CSMD1: variants seen among roughly 807,000 people sequenced by gnomAD.
CSMD1 encodes the protein CUB and sushi domain-containing protein 1.
Under a neutral mutation model 417.5 loss-of-function variants are expected in CSMD1, and 213 were observed. That is an observed-to-expected ratio of 0.51 (90% CI 0.46 to 0.57). The LOEUF (loss-of-function observed/expected upper bound fraction) is 0.57, where lower values mean the gene tolerates loss of function less well. Ranked by LOEUF, CSMD1 falls within the 20% of genes least tolerant of loss-of-function variation. The pLI is 0.00. For missense variants in CSMD1, 6,923 were observed against 4,529.7 expected (o/e 1.53, Z -15.17); for synonymous variants, 2,862 against 1,736.8 (o/e 1.65, Z -16.11).
chr8:3,009,269 A>G (rs1449103452), intron 52 of CSMD1, among the ~76,000 whole-genome samples: 1 of 152,252 alleles, frequency 6.6e-6, no homozygotes, highest in Non-Finnish European at 1.5e-5. Context: ...TCCGGGGATT[A>G]GAACGGAATC....
At chr8:3,925,906 G>A (rs1419544738) in intron 5 of CSMD1, among the ~76,000 whole-genome samples, 2 of 151,678 alleles carry the variant, frequency 1.3e-5, no homozygotes, top group Non-Finnish European at 2.9e-5. Context: ...TATACTATCT[G>A]CATAACAAAA....
intron 4 of CSMD1, among the ~76,000 whole-genome samples, chr8:4,000,663 T>C (rs1279941343): frequency 6.6e-6 from 1 of 152,204 alleles, no homozygotes; most frequent in Non-Finnish European, 1.5e-5. Context: ...ACTTTTATTA[T>C]TGATTAAATA....
chr8:4,256,483 G>A (rs571908640), intron 3 of CSMD1, among the ~76,000 whole-genome samples: 1 of 152,204 alleles, frequency 6.6e-6, no homozygotes, highest in African/African-American at 2.4e-5. Context: ...TACTGGTAAA[G>A]GGAGGTTCTC....
At chr8:4,882,688 C>G (rs1803489544) in intron 1 of CSMD1, among the ~76,000 whole-genome samples, 1 of 151,918 alleles carries the variant, frequency 6.6e-6, no homozygotes, top group East Asian at 1.9e-4. Flanking sequence ...ATTTGATGTG[C>G]CGTTTATTTC....
chr8:3,483,569 A>T (rs1563081274), intron 11 of CSMD1, among the ~76,000 whole-genome samples: 1 of 152,122 alleles, frequency 6.6e-6, no homozygotes, highest in Non-Finnish European at 1.5e-5. Context: ...TAACGTCAAG[A>T]TTTCATAAAC....
intron 7 of CSMD1, among the ~76,000 whole-genome samples, chr8:3,620,815 C>A (rs1350532358): frequency 1.3e-5 from 2 of 152,180 alleles, no homozygotes; most frequent in African/African-American, 2.4e-5. Flanking sequence ...CAGAGCTACC[C>A]TTTAAATAAT....
intron 3 of CSMD1, among the ~76,000 whole-genome samples, chr8:4,158,507 A>G (rs917279231): frequency 2.0e-5 from 3 of 152,174 alleles, no homozygotes; most frequent in Non-Finnish European, 4.4e-5. Flanking sequence ...GGATATTGGA[A>G]AAACTCCCAA....
chr8:3,525,075 C>T (rs1234533001), intron 10 of CSMD1, among the ~76,000 whole-genome samples: 1 of 152,162 alleles, frequency 6.6e-6, no homozygotes, highest in East Asian at 1.9e-4. Context: ...GAAAAGCCAA[C>T]TAAAGTGAAT....
chr8:4,499,549 C>T (rs1197125575), intron 2 of CSMD1, among the ~76,000 whole-genome samples: 2 of 152,100 alleles, frequency 1.3e-5, no homozygotes, highest in East Asian at 1.9e-4. Flanking sequence ...GGTGGATAAG[C>T]GATAACATAT....
At chr8:4,717,684 C>G (rs1326312630) in intron 1 of CSMD1, among the ~76,000 whole-genome samples, 2 of 151,860 alleles carry the variant, frequency 1.3e-5, no homozygotes, top group Non-Finnish European at 2.9e-5. Context: ...AACTGTGATT[C>G]CGAAGAGGCT....
At chr8:4,948,206 T>C (rs1206492198) in intron 1 of CSMD1, among the ~76,000 whole-genome samples, 1 of 152,110 alleles carries the variant, frequency 6.6e-6, no homozygotes, top group Non-Finnish European at 1.5e-5. Flanking sequence ...GGTCATAATA[T>C]ATACGAGTTT....
chr8:3,124,184 G>A (rs1431808064), intron 41 of CSMD1, among the ~76,000 whole-genome samples: 1 of 151,682 alleles, frequency 6.6e-6, no homozygotes, highest in Non-Finnish European at 1.5e-5. Flanking sequence ...GCAGTACAGT[G>A]GTTTTCATTA....
At chr8:4,582,885 C>T (rs911175952) in intron 2 of CSMD1, among the ~76,000 whole-genome samples, 7 of 152,222 alleles carry the variant, frequency 4.6e-5, no homozygotes, top group Non-Finnish European at 1.0e-4. Context: ...AGCTGGAGTT[C>T]CGGGTGGGCG....
intron 3 of CSMD1, among the ~76,000 whole-genome samples, chr8:4,060,973 G>A (rs930796040): frequency 2.6e-5 from 4 of 152,154 alleles, no homozygotes; most frequent in Admixed American, 1.3e-4. Flanking sequence ...AAAGAGATAA[G>A]ACAAGCTGCT....
chr8:4,758,514 C>T (rs1276129860), intron 1 of CSMD1, among the ~76,000 whole-genome samples: 2 of 152,104 alleles, frequency 1.3e-5, no homozygotes, highest in Non-Finnish European at 2.9e-5. Context: ...TCAGTAGGGC[C>T]TTCTAGAAGG....
chr8:3,165,012 T>G (rs1395430217), intron 37 of CSMD1, among the ~76,000 whole-genome samples: 1 of 151,760 alleles, frequency 6.6e-6, no homozygotes, highest in Non-Finnish European at 1.5e-5. Flanking sequence ...AATTAATTTA[T>G]AATTAATTAT....
At chr8:3,116,556 A>C (rs1469813940) in intron 42 of CSMD1, among the ~76,000 whole-genome samples, 1 of 152,172 alleles carries the variant, frequency 6.6e-6, no homozygotes, top group Non-Finnish European at 1.5e-5. Context: ...ATTCATGCAG[A>C]GTTTAGCTAA....
At chr8:3,879,820 T>C (rs1806085073) in intron 5 of CSMD1, among the ~76,000 whole-genome samples, 1 of 142,068 alleles carries the variant, frequency 7.0e-6, no homozygotes, top group Admixed American at 6.9e-5. Flanking sequence ...ATAGAGTGTG[T>C]ACCGGTGTGC....
intron 7 of CSMD1, among the ~76,000 whole-genome samples, chr8:3,625,982 C>G (rs190098814): frequency 2.0e-5 from 3 of 152,104 alleles, no homozygotes; most frequent in African/African-American, 7.2e-5. Flanking sequence ...ATTTACTATA[C>G]ACATAAAATA....
Sources: gnomAD v4.1 joint callset for allele counts (sites outside exome capture counted in the v4.1 genomes callset) on GRCh38, gnomAD v4.1.1 for gene constraint, MANE v1.5 for transcripts, NCBI Gene and HGNC (gene_info 2026-07-23, HGNC 2026-07-21) for gene names.